Variants in SCAI observed in about 807,000 individuals in gnomAD.
SCAI encodes the protein protein SCAI.
In SCAI, 24 loss-of-function variants were observed where a neutral mutation model predicts 92.2. The observed-to-expected ratio is 0.26, with a 90% confidence interval of 0.19 to 0.37. The LOEUF (loss-of-function observed/expected upper bound fraction) is 0.37. Among genes scored for constraint, SCAI ranks in the 10% least tolerant of loss-of-function variants. The probability of loss-of-function intolerance (pLI) is 1.00; values close to 1 mark genes in which losing one functional copy is unlikely to be tolerated. For missense variants in SCAI, 450 were observed against 736.2 expected, an observed-to-expected ratio of 0.61 and a Z score of 4.50; for synonymous variants, 261 against 258.6, an observed-to-expected ratio of 1.01 and a Z score of -0.09.
chr9:125,133,046 T>C (rs750905917), intron 2 of SCAI, among the ~76,000 whole-genome samples: 1 of 152,068 alleles, frequency 6.6e-6, no homozygotes, highest in East Asian at 1.9e-4. Flanking sequence ...TGGAGAAAAG[T>C]AAAAGGCAAG....
At chr9:125,020,864 C>T (rs1832857749) in intron 6 of SCAI, 95 bp from the exon 7 acceptor site, 1 of 568,586 alleles carries the variant, frequency 1.8e-6, no homozygotes, top group East Asian at 3.2e-5. Flanking sequence ...TCTTTCCCTC[C>T]TTTTCTGCAC....
chr9:124,994,884 TG>T, intron 14 of SCAI, 49 bp downstream of exon 14: 1 of 1,255,172 alleles, frequency 8.0e-7, no homozygotes, highest in Non-Finnish European at 1.2e-6. Context: ...TGGGTACCCT[TG>T]GGTTGGTGCC....
At chr9:125,102,584 A>G (rs535024783) in intron 2 of SCAI, among the ~76,000 whole-genome samples, 1 of 148,946 alleles carries the variant, frequency 6.7e-6, no homozygotes, top group Admixed American at 6.8e-5. Context: ...CTCTTACCAA[A>G]ATGAAACAAA....
chr9:125,109,551 C>A (rs1455545261), intron 2 of SCAI, among the ~76,000 whole-genome samples: 1 of 152,184 alleles, frequency 6.6e-6, no homozygotes, highest in African/African-American at 2.4e-5. Flanking sequence ...CCTAACATAT[C>A]TTTCCCTTAT....
At chr9:124,968,960 G>A in intron 17 of SCAI, 1 of 399,550 alleles carries the variant, frequency 2.5e-6, no homozygotes, top group Non-Finnish European at 4.6e-6. Flanking sequence ...AAAAAAAAAA[G>A]GCTGTGTCTT....
chr9:125,142,827 C>T, intron 1 of SCAI, 150 bp from the exon 2 acceptor site: 1 of 664,214 alleles, frequency 1.5e-6, no homozygotes, highest in South Asian at 1.7e-5. Context: ...GCCTCATGCC[C>T]TGTTTCCCCT....
intron 2 of SCAI, among the ~76,000 whole-genome samples, chr9:125,088,989 C>T (rs1377798343): frequency 2.0e-5 from 3 of 152,104 alleles, no homozygotes; most frequent in African/African-American, 7.2e-5. Flanking sequence ...AAAAATATCT[C>T]CAGATATTGC....
chr9:125,104,139 T>G (rs1834729693), intron 2 of SCAI, among the ~76,000 whole-genome samples: 1 of 152,070 alleles, frequency 6.6e-6, no homozygotes, highest in African/African-American at 2.4e-5. Flanking sequence ...ATAAAGACAA[T>G]AACTAGAAAG....
At chr9:124,976,789 A>C (rs1451339684) in intron 14 of SCAI, among the ~76,000 whole-genome samples, 2 of 152,238 alleles carry the variant, frequency 1.3e-5, no homozygotes, top group Non-Finnish European at 2.9e-5. Context: ...CTAGGAGTAA[A>C]CTTAAAAAGA....
At chr9:125,101,629 G>C (rs957634163) in intron 2 of SCAI, among the ~76,000 whole-genome samples, 1 of 152,246 alleles carries the variant, frequency 6.6e-6, no homozygotes, top group East Asian at 1.9e-4. Context: ...CAGGCAGCTG[G>C]AATTTTGAGT....
At chr9:124,966,356 G>T (rs1831542323) in intron 17 of SCAI, among the ~76,000 whole-genome samples, 1 of 151,360 alleles carries the variant, frequency 6.6e-6, no homozygotes, top group Non-Finnish European at 1.5e-5. Flanking sequence ...CATAAAAAAT[G>T]ATGAGTTCAT....
chr9:125,027,702 T>C (rs1832991027), intron 5 of SCAI, among the ~76,000 whole-genome samples: 1 of 152,150 alleles, frequency 6.6e-6, no homozygotes, highest in Non-Finnish European at 1.5e-5. Flanking sequence ...TTTGTCTTTT[T>C]AGTAGAGACG....
chr9:124,973,233 T>C (rs1013835231), intron 15 of SCAI, among the ~76,000 whole-genome samples: 22 of 152,258 alleles, frequency 1.4e-4, no homozygotes, highest in Admixed American at 1.2e-3. Context: ...CAGTATCGTG[T>C]TGATACTCAA....
intron 17 of SCAI, among the ~76,000 whole-genome samples, chr9:124,960,513 C>G (rs1490398751): frequency 6.6e-6 from 1 of 152,198 alleles, no homozygotes. Context: ...CTACTGATAT[C>G]TGAAACAACT....
chr9:125,067,563 T>G (rs967081100), intron 2 of SCAI, among the ~76,000 whole-genome samples: 3 of 152,324 alleles, frequency 2.0e-5, no homozygotes, highest in African/African-American at 7.2e-5. Context: ...GGAACAGATT[T>G]CCCTTCTGAG....
At chr9:125,027,097 A>T (rs541005418) in intron 5 of SCAI, among the ~76,000 whole-genome samples, 187 bp from the exon 6 acceptor site, 1 of 152,124 alleles carries the variant, frequency 6.6e-6, no homozygotes, top group Admixed American at 6.5e-5. Flanking sequence ...TAATAATGAA[A>T]TTTTTTTAAA....
At chr9:125,030,923 A>C (rs1377490208) in intron 3 of SCAI, among the ~76,000 whole-genome samples, 1 of 152,228 alleles carries the variant, frequency 6.6e-6, no homozygotes, top group Non-Finnish European at 1.5e-5. Flanking sequence ...TACAACAATT[A>C]CTAATGCATA....
At chr9:125,010,065 G>T (rs144270089) in intron 9 of SCAI, among the ~76,000 whole-genome samples, 3,734 of 152,240 alleles carry the variant, frequency 0.025, 144 homozygotes, top group African/African-American at 0.085. Context: ...CAAGATGGCC[G>T]AATAGGAACA....
At chr9:125,092,745 T>C (rs111772925) in intron 2 of SCAI, among the ~76,000 whole-genome samples, 3,527 of 152,306 alleles carry the variant, frequency 0.023, 144 homozygotes, top group African/African-American at 0.081. Context: ...CAGGGTGCAT[T>C]AGCTTCCAAT....
Sources: gnomAD v4.1 joint callset for allele counts (sites outside exome capture counted in the v4.1 genomes callset) on GRCh38, gnomAD v4.1.1 for gene constraint, MANE v1.5 for transcripts, NCBI Gene and HGNC (gene_info 2026-07-23, HGNC 2026-07-21) for gene names.